Variants in CLASP1 observed in about 807,000 individuals in gnomAD.
CLASP1 encodes cytoplasmic linker associated protein 1.
Under a neutral mutation model 192.3 loss-of-function variants are expected in CLASP1, and 38 were observed. That is an observed-to-expected ratio of 0.20 (90% CI 0.15 to 0.26). The LOEUF is 0.26. Among genes scored for constraint, CLASP1 ranks in the 10% least tolerant of loss-of-function variants. The pLI is 1.00. For synonymous variants in CLASP1, 691 were observed against 712.8 expected (o/e 0.97, Z 0.49); for missense variants, 1,433 against 1,932.5 (o/e 0.74, Z 4.85).
exon 33 of CLASP1, chr2:121,382,311 A>C: frequency 6.4e-7 from 1 of 1,572,414 alleles, no homozygotes; most frequent in Non-Finnish European, 8.6e-7. Context: ...TCGGCACTCC[A>C]ACCCCATAAC....
At chr2:121,595,044 T>C (rs2062964486) in intron 2 of CLASP1, among the ~76,000 whole-genome samples, 2 of 152,206 alleles carry the variant, frequency 1.3e-5, no homozygotes, top group Non-Finnish European at 2.9e-5. Flanking sequence ...TTCATTAAAG[T>C]CTAACTCAAA....
intron 8 of CLASP1, among the ~76,000 whole-genome samples, chr2:121,496,372 G>A (rs1006290701): frequency 3.9e-5 from 6 of 152,186 alleles, no homozygotes; most frequent in Admixed American, 1.3e-4. Context: ...AGGTCATTGA[G>A]GAGCCTGGAA....
chr2:121,480,431 T>C (rs1018226270), intron 8 of CLASP1, among the ~76,000 whole-genome samples: 4 of 152,046 alleles, frequency 2.6e-5, no homozygotes, highest in African/African-American at 9.7e-5. Flanking sequence ...CTACATAACT[T>C]ATAACCAGGC....
At chr2:121,414,975 C>T (rs1045959847) in intron 23 of CLASP1, among the ~76,000 whole-genome samples, 13 of 152,128 alleles carry the variant, frequency 8.5e-5, no homozygotes, top group African/African-American at 2.6e-4. Context: ...GAGACGAGGT[C>T]TCCCTATGTT....
At chr2:121,421,085 T>C (rs1207662946) in intron 22 of CLASP1, among the ~76,000 whole-genome samples, 1 of 152,282 alleles carries the variant, frequency 6.6e-6, no homozygotes, top group African/African-American at 2.4e-5. Context: ...TGGCCATAGT[T>C]ACCCTAAACC....
intron 34 of CLASP1, among the ~76,000 whole-genome samples, chr2:121,370,874 C>T (rs2068528251): frequency 6.6e-6 from 1 of 152,154 alleles, no homozygotes; most frequent in Non-Finnish European, 1.5e-5. Context: ...TATTTTTACA[C>T]TTGACAAAAT....
intron 2 of CLASP1, among the ~76,000 whole-genome samples, chr2:121,558,958 G>A (rs1043084322): frequency 2.6e-5 from 4 of 152,140 alleles, no homozygotes; most frequent in African/African-American, 9.7e-5. Flanking sequence ...AATATTTTAT[G>A]AACAATCAAT....
At chr2:121,582,022 G>C (rs1437520777) in intron 2 of CLASP1, among the ~76,000 whole-genome samples, 1 of 152,018 alleles carries the variant, frequency 6.6e-6, no homozygotes, top group African/African-American at 2.4e-5. Flanking sequence ...AATTAGCCAG[G>C]TGTGGTGGCA....
At chr2:121,591,530 G>A (rs776806145) in intron 2 of CLASP1, among the ~76,000 whole-genome samples, 1 of 152,108 alleles carries the variant, frequency 6.6e-6, no homozygotes, top group Non-Finnish European at 1.5e-5. Context: ...ATTGCCCTGC[G>A]AATCAGTACT....
At chr2:121,630,108 C>A (rs2069203564) in intron 1 of CLASP1, among the ~76,000 whole-genome samples, 1 of 151,810 alleles carries the variant, frequency 6.6e-6, no homozygotes, top group South Asian at 2.1e-4. Context: ...TTAGTAGAGA[C>A]AGGATTTCAC....
At chr2:121,475,785 C>T (rs1343685426) in intron 8 of CLASP1, among the ~76,000 whole-genome samples, 2 of 152,128 alleles carry the variant, frequency 1.3e-5, no homozygotes, top group Non-Finnish European at 2.9e-5. Flanking sequence ...TCTCTTTAAG[C>T]CCACAGAAAT....
chr2:121,634,692 G>A (rs2070461475), intron 1 of CLASP1, among the ~76,000 whole-genome samples: 1 of 152,172 alleles, frequency 6.6e-6, no homozygotes, highest in Non-Finnish European at 1.5e-5. Context: ...CGCAGTCACA[G>A]ACCACAGGAA....
chr2:121,545,890 C>G (rs1445256494), intron 2 of CLASP1, among the ~76,000 whole-genome samples: 1 of 149,952 alleles, frequency 6.7e-6, no homozygotes, highest in Non-Finnish European at 1.5e-5. Flanking sequence ...AATTGAAATT[C>G]TATTATAGTT....
chr2:121,541,477 G>A (rs990293916), intron 2 of CLASP1, among the ~76,000 whole-genome samples: 9 of 152,052 alleles, frequency 5.9e-5, no homozygotes, highest in Non-Finnish European at 1.2e-4. Flanking sequence ...AAATAAGCCC[G>A]AGCCTCCTGA....
chr2:121,416,810 A>G (rs1043592673), intron 23 of CLASP1, among the ~76,000 whole-genome samples: 1 of 152,206 alleles, frequency 6.6e-6, no homozygotes, highest in African/African-American at 2.4e-5. Context: ...TGATCTTGAG[A>G]AAGTGGCTTA....
At chr2:121,394,971 A>G (rs1199836199) in intron 30 of CLASP1, among the ~76,000 whole-genome samples, 1 of 152,148 alleles carries the variant, frequency 6.6e-6, no homozygotes, top group Non-Finnish European at 1.5e-5. Context: ...TTTCTTAGAT[A>G]TTATTTCTTC....
intron 2 of CLASP1, chr2:121,603,203 C>T (rs1274108522): frequency 6.7e-6 from 1 of 150,160 alleles, no homozygotes; most frequent in Non-Finnish European, 1.5e-5. Context: ...GGAACTCAAA[C>T]ATCTCAACAG....
chr2:121,429,057 T>C (rs2080934397), intron 20 of CLASP1, among the ~76,000 whole-genome samples: 1 of 152,214 alleles, frequency 6.6e-6, no homozygotes. Flanking sequence ...GAAGGTTCTG[T>C]AGCCTCACCA....
chr2:121,432,535 T>C (rs2081611820), intron 19 of CLASP1, among the ~76,000 whole-genome samples: 1 of 152,354 alleles, frequency 6.6e-6, no homozygotes, highest in Non-Finnish European at 1.5e-5. Flanking sequence ...CAACGCCTGT[T>C]GAAATGTTGA....
Sources: allele counts gnomAD v4.1 joint callset (sites outside exome capture counted in the v4.1 genomes callset), GRCh38; gene constraint gnomAD v4.1.1; transcripts MANE v1.5; gene names NCBI Gene and HGNC (gene_info 2026-07-23, HGNC 2026-07-21).